Variants in IQCH observed in about 807,000 individuals in gnomAD.
IQCH encodes IQ domain-containing protein H.
IQCH carries 98 observed loss-of-function variants against 117.0 expected under a neutral mutation model. The observed-to-expected ratio is 0.84, with a 90% CI of 0.71 to 0.99. IQCH has a LOEUF of 0.99. IQCH is among the 50% of genes least tolerant of loss of function. IQCH has a pLI of 0.00. For missense variants in IQCH, 1,102 were observed against 1,243.8 expected, an observed-to-expected ratio of 0.89 and a Z score of 1.72; for synonymous variants, 412 against 448.2, an observed-to-expected ratio of 0.92 and a Z score of 1.02.
rs1454820989 is a variant in IQCH at position 67,433,075 on chromosome 15, T to C, written c.2505+11498T>C. 6.6e-6 allele frequency among the ~76,000 whole-genome samples: 1 copy of C among 152,234 alleles called. No individual in the cohort carries two copies. Among genetic ancestry groups the C allele is most frequent in the African/African-American group, 2.4e-5 (1 of 41,470 alleles). ...TGGTATTAACAGAAGTACCTATTAT[T>C]CAGTGTTTTAAAGTGCTATAGTGGG... On this transcript the variant is annotated intron_variant, in intron 16 of 20. Transcript: ENST00000335894. The surrounding 1 kb of genome is among the most constrained non-coding windows in gnomAD (Gnocchi z 5.4).
At chr15:67,275,391 T>C (rs1480487517) in intron 3 of IQCH, among the ~76,000 whole-genome samples, 1 of 152,066 alleles carries the variant, frequency 6.6e-6, no homozygotes, top group Non-Finnish European at 1.5e-5. Context: ...CCCTTCTCCA[T>C]GACCTGGGAA....
chr15:67,434,444 G>A (rs2082085616), intron 16 of IQCH, among the ~76,000 whole-genome samples: 1 of 152,096 alleles, frequency 6.6e-6, no homozygotes, highest in Admixed American at 6.6e-5. Flanking sequence ...ATATTCCAAT[G>A]TGTATATACA....
chr15:67,281,240 G>A (rs1966343899), intron 4 of IQCH, among the ~76,000 whole-genome samples: 1 of 152,190 alleles, frequency 6.6e-6, no homozygotes, highest in Non-Finnish European at 1.5e-5. Flanking sequence ...ATTATGCCTA[G>A]GGTGTGGGCC....
At position 67,364,876 on chromosome 15, in the gene IQCH, T is replaced by C. The variant is rs1317699840; in HGVS notation, c.753+4991T>C. Among the ~76,000 whole-genome samples, 1 of 152,246 alleles carries C rather than the reference T, an allele frequency of 6.6e-6. No individual in the cohort carries two copies. The highest frequency in any genetic ancestry group is 2.4e-5 in the African/African-American group (1 of 41,464). ...GGCTTTATAATATCTTTATTAAAGATATACCATAATTTTCATCCTATTGCT... is the reference window on the plus strand; with the variant it reads ...GGCTTTATAATATCTTTATTAAAGACATACCATAATTTTCATCCTATTGCT... On this transcript the variant is annotated intron_variant, in intron 8 of 20. Transcript: ENST00000335894. The surrounding 1 kb of genome is among the most constrained non-coding windows in gnomAD (Gnocchi z 4.1).
intron 13 of IQCH, among the ~76,000 whole-genome samples, chr15:67,399,836 C>T (rs1971585277): frequency 6.6e-6 from 1 of 152,186 alleles, no homozygotes; most frequent in Non-Finnish European, 1.5e-5. Context: ...AGGATTCTTT[C>T]TTTTGCCTTC....
chr15:67,454,938 G>A lies in IQCH; in HGVS notation c.2506-10189G>A, dbSNP rs2082625432. ...ATATACCTAAGAGCAGAACTGATGG[G>A]TCAAATGGTAACTCAAAGTTTAACT... On this transcript the variant is annotated intron_variant, in intron 16 of 20. Coordinates refer to ENST00000335894, the MANE Select transcript of IQCH (RefSeq NM_001031715.3). The surrounding 1 kb of genome is among the most constrained non-coding windows in gnomAD (Gnocchi z 5.2). 6.6e-6 allele frequency among the ~76,000 whole-genome samples: 1 copy of A among 152,186 alleles called. No individual in the cohort carries two copies. Among genetic ancestry groups the A allele is most frequent in the Non-Finnish European group, 1.5e-5 (1 of 68,038 alleles).
rs1159388265 is a variant in IQCH at position 67,385,089 on chromosome 15, T to TTTTG, written c.1456+82_1456+85dup. 1.0e-6 allele frequency: 1 copy of TTTTG among 978,840 alleles called. No homozygotes were observed. Among genetic ancestry groups the TTTTG allele is most frequent in the Non-Finnish European group, 1.6e-6 (1 of 632,556 alleles). 60.6% of individuals were successfully genotyped at this position (978,840 alleles called of 1,614,324 possible). The stretch of plus-strand genomic sequence containing the variant: ...CAGTGGATGTTGATAGAATGTGTTG[T>TTTTG]TTTGTTTGTTTGTTTTTTGCTTATT... On this transcript the variant is annotated intron_variant, in intron 11 of 20. Transcript: ENST00000335894. The surrounding 1 kb of genome is among the most constrained non-coding windows in gnomAD (Gnocchi z 4.6).
chr15:67,348,480 T>C (rs1479579163), intron 6 of IQCH, among the ~76,000 whole-genome samples: 5 of 151,774 alleles, frequency 3.3e-5, no homozygotes, highest in Non-Finnish European at 5.9e-5. Context: ...TTGTTAGAAA[T>C]GAACAATTGG....
At chr15:67,497,266 G>A (rs948087560) in intron 20 of IQCH, among the ~76,000 whole-genome samples, 10 of 151,762 alleles carry the variant, frequency 6.6e-5, no homozygotes, top group Non-Finnish European at 1.5e-4. Context: ...GGTAGGTTGA[G>A]GCTGCAGTGA....
At chr15:67,462,156 G>A (rs965494263) in intron 16 of IQCH, among the ~76,000 whole-genome samples, 4 of 151,568 alleles carry the variant, frequency 2.6e-5, no homozygotes, top group Non-Finnish European at 5.9e-5. Flanking sequence ...TAAAGGTTGG[G>A]CGCGGTGGCT....
chr15:67,293,151 G>A (rs1320261766), intron 4 of IQCH, among the ~76,000 whole-genome samples: 1 of 152,170 alleles, frequency 6.6e-6, no homozygotes, highest in Admixed American at 6.5e-5. Flanking sequence ...AGTGAGTGTT[G>A]TATAAGTATT....
chr15:67,308,893 A>G (rs1008309283), intron 4 of IQCH, among the ~76,000 whole-genome samples: 1 of 152,128 alleles, frequency 6.6e-6, no homozygotes, highest in African/African-American at 2.4e-5. Flanking sequence ...TTCATAAAAA[A>G]AAATCTAGCT....
At chr15:67,373,284 T>C in intron 9 of IQCH, 83 bp from the exon 10 acceptor site, 1 of 841,144 alleles carries the variant, frequency 1.2e-6, no homozygotes, top group Non-Finnish European at 2.0e-6. Context: ...GGCTTAACTG[T>C]ACAGTGGAAA....
intron 4 of IQCH, among the ~76,000 whole-genome samples, chr15:67,299,555 CAT>C (rs555686509): frequency 1.4e-3 from 209 of 152,078 alleles, no homozygotes; most frequent in African/African-American, 3.9e-3. Context: ...TCATATACCT[CAT>C]AAATATATAT....
intron 3 of IQCH, among the ~76,000 whole-genome samples, chr15:67,264,366 G>A (rs1030236323): frequency 6.6e-6 from 1 of 152,218 alleles, no homozygotes; most frequent in Non-Finnish European, 1.5e-5. Flanking sequence ...CTGGGCACAG[G>A]TGAGCTAAGT....
At position 67,337,006 on chromosome 15, in the gene IQCH, A is replaced by T; in HGVS notation, c.419A>T (p.Asn140Ile). The T allele has an allele frequency of 6.2e-7, 1 of 1,613,830 alleles. No individual in the cohort carries two copies. The highest frequency in any genetic ancestry group is 8.5e-7 in the Non-Finnish European group (1 of 1,179,808). Reference sequence around the variant, plus strand: ...GTTTCGAAGTTAATCAAAGGGTCTAACATATCCAGCCTCACGGTTCTGCCA... The same window carrying T: ...GTTTCGAAGTTAATCAAAGGGTCTATCATATCCAGCCTCACGGTTCTGCCA... ...IKVSKLIKGS[N>I]ISSLTVLPSS... The change falls in exon 5 of 21, where the codon AAC (asparagine) becomes ATC (isoleucine). Residue 140 changes from asparagine (N) to isoleucine (I), a missense_variant. Asn to Ile is a moderately radical substitution (Grantham distance 149). This residue lies in a region of IQCH where 452 missense variants were observed against 449.6 expected (regional missense o/e 1.01). Coordinates refer to ENST00000335894, the MANE Select transcript of IQCH (RefSeq NM_001031715.3).
rs550368540 is a variant in IQCH, at chr15:67,479,477, G to T, written c.2799+3659G>T. Among the ~76,000 whole-genome samples the T allele has an allele frequency of 5.0e-4, 76 of 152,182 alleles. No individual in the cohort carries two copies. Among genetic ancestry groups the T allele is most frequent in the African/African-American group, 1.6e-3 (67 of 41,498 alleles). On this transcript the variant is annotated intron_variant, in intron 18 of 20. Coordinates refer to ENST00000335894, the MANE Select transcript of IQCH (RefSeq NM_001031715.3). The surrounding 1 kb of genome is among the most constrained non-coding windows in gnomAD (Gnocchi z 4.6). ...AAAATATTACCAACCCAGTCAAGAA[G>T]AATTCTGGAATCCATTTCCAATATA...
rs1971348283 is a variant in IQCH at position 67,393,314 on chromosome 15, T to C, written c.1633-1977T>C. Among the ~76,000 whole-genome samples, 1 of 152,182 alleles carries C rather than the reference T, an allele frequency of 6.6e-6. No individual in the cohort carries two copies. The highest frequency in any genetic ancestry group is 1.5e-5 in the Non-Finnish European group (1 of 68,024). ...CTCTTTCTCCCATACTCAGGAGTTA[T>C]ACTCTCCGACAATTTGCAAACTGGT... On this transcript the variant is annotated intron_variant, in intron 12 of 20. Transcript: ENST00000335894. The surrounding 1 kb of genome is among the most constrained non-coding windows in gnomAD (Gnocchi z 5.5).
rs921173277 is a variant in IQCH at position 67,474,219 on chromosome 15, T to G, written c.2677-1477T>G. 3.9e-5 allele frequency among the ~76,000 whole-genome samples: 6 copies of G among 152,068 alleles called. No individual in the cohort carries two copies. Among genetic ancestry groups the G allele is most frequent in the Non-Finnish European group, 8.8e-5 (6 of 68,004 alleles). ...ACAGGAGGCGAGCCAGAGGCCTGATTATAATGCATGTCAGGTCACTACGAT... is the reference window on the plus strand; with the variant it reads ...ACAGGAGGCGAGCCAGAGGCCTGATGATAATGCATGTCAGGTCACTACGAT... On this transcript the variant is annotated intron_variant, in intron 17 of 20. Coordinates refer to ENST00000335894, the MANE Select transcript of IQCH (RefSeq NM_001031715.3). The surrounding 1 kb of genome is among the most constrained non-coding windows in gnomAD (Gnocchi z 4.1).
Sources: gnomAD v4.1 joint callset for allele counts (sites outside exome capture counted in the v4.1 genomes callset) on GRCh38, gnomAD v4.1.1 for gene constraint, gnomAD v4.1.1 regional missense constraint, Gnocchi (gnomAD v3.1) non-coding constraint, MANE v1.5 for transcripts, NCBI Gene and HGNC (gene_info 2026-07-23, HGNC 2026-07-21) for gene names.